Variants in OXCT1 observed in about 807,000 individuals in gnomAD.
The protein encoded by OXCT1 is succinyl-CoA:3-ketoacid coenzyme A transferase 1, mitochondrial.
OXCT1 carries 27 observed loss-of-function variants against 69.6 expected under a neutral mutation model. The observed-to-expected ratio is 0.39, with a 90% CI of 0.29 to 0.54. OXCT1 has a LOEUF of 0.54. Ranked by LOEUF, OXCT1 falls within the 20% of genes least tolerant of loss-of-function variation. OXCT1 has a pLI of 0.72. For missense variants in OXCT1, 437 were observed against 650.2 expected (o/e 0.67, Z 3.57); for synonymous variants, 202 against 217.8 (o/e 0.93, Z 0.64).
At chr5:41,791,913 C>A (rs1182589016) in intron 13 of OXCT1, among the ~76,000 whole-genome samples, 1 of 152,304 alleles carries the variant, frequency 6.6e-6, no homozygotes, top group East Asian at 1.9e-4. Flanking sequence ...ACGCCATTCT[C>A]CTGCCTCAGC....
intron 13 of OXCT1, 95 bp downstream of exon 13, chr5:41,793,908 T>C (rs1328503599): frequency 1.3e-6 from 1 of 791,028 alleles, no homozygotes; most frequent in Non-Finnish European, 2.2e-6. Flanking sequence ...ATATTTCATT[T>C]TTAAAGAATC....
At chr5:41,811,746 T>G (rs1746995507) in intron 7 of OXCT1, among the ~76,000 whole-genome samples, 1 of 152,026 alleles carries the variant, frequency 6.6e-6, no homozygotes, top group Non-Finnish European at 1.5e-5. Flanking sequence ...TACATATGGT[T>G]GCATAGTCAT....
intron 7 of OXCT1, among the ~76,000 whole-genome samples, chr5:41,837,412 AT>A (rs1748420255): frequency 6.6e-6 from 1 of 152,108 alleles, no homozygotes; most frequent in South Asian, 2.1e-4. Flanking sequence ...CAGTCACCAC[AT>A]TTAGAGAAAT....
At chr5:41,787,297 T>G (rs989569342) in intron 13 of OXCT1, among the ~76,000 whole-genome samples, 17 of 152,118 alleles carry the variant, frequency 1.1e-4, no homozygotes, top group Non-Finnish European at 2.4e-4. Flanking sequence ...CATGAAAAAG[T>G]GGCTTTCGGA....
rs554381509 is a variant in OXCT1 at position 41,830,764 on chromosome 5, T to C, written c.732+9687A>G. 2.6e-5 allele frequency among the ~76,000 whole-genome samples: 4 copies of C among 152,328 alleles called. No homozygotes were observed. The South Asian group carries it at 8.3e-4, about 32-fold the overall frequency. ...CTTTTTATTGCCTCTTGAAAAATTA[T>C]GAGTTCCACTGCTTTTAAAACTGTA... On this transcript the variant is annotated intron_variant, in intron 7 of 16. Transcript: ENST00000196371.
At chr5:41,835,639 A>G (rs1748322284) in intron 7 of OXCT1, among the ~76,000 whole-genome samples, 1 of 152,226 alleles carries the variant, frequency 6.6e-6, no homozygotes, top group Non-Finnish European at 1.5e-5. Context: ...AAGTAATTAT[A>G]TTTATGTCAT....
chr5:41,737,462 C>A (rs1742942266), intron 16 of OXCT1, among the ~76,000 whole-genome samples: 1 of 152,180 alleles, frequency 6.6e-6, no homozygotes, highest in South Asian at 2.1e-4. Flanking sequence ...ACTGAACATT[C>A]TGTGGATCTT....
intron 9 of OXCT1, 108 bp downstream of exon 9, chr5:41,805,459 G>T: frequency 2.7e-6 from 2 of 746,362 alleles, no homozygotes; most frequent in Non-Finnish European, 4.7e-6. Context: ...TACCTTAAAA[G>T]TTACCATAGA....
intron 13 of OXCT1, 126 bp downstream of exon 13, chr5:41,793,877 T>G (rs1746048369): frequency 1.5e-6 from 1 of 679,696 alleles, no homozygotes; most frequent in Non-Finnish European, 2.6e-6. Context: ...AATTTGATTC[T>G]AGTAAGAAAT....
chr5:41,746,428 A>T (rs1440353710), intron 15 of OXCT1, among the ~76,000 whole-genome samples: 1 of 152,006 alleles, frequency 6.6e-6, no homozygotes, highest in East Asian at 1.9e-4. Context: ...GTCCACTGTT[A>T]GTGAGGGCTG....
rs7707408 is a variant in OXCT1 at position 41,836,263 on chromosome 5, C to T, written c.732+4188G>A. On this transcript the variant is annotated intron_variant, in intron 7 of 16. Coordinates refer to ENST00000196371, the MANE Select transcript of OXCT1 (RefSeq NM_000436.4). ...ACACTGTCTGGACTGAAAAGAGAAACATCTCTCTAGCATGTGTGGCAATAT... is the reference window on the plus strand; with the variant it reads ...ACACTGTCTGGACTGAAAAGAGAAATATCTCTCTAGCATGTGTGGCAATAT... Among the ~76,000 whole-genome samples, 748 of 152,274 alleles carry T rather than the reference C, an allele frequency of 4.9e-3. 8 individuals are homozygous for T. The highest frequency in any genetic ancestry group is 0.017 in the African/African-American group (700 of 41,556).
chr5:41,859,905 T>TGTA (rs1749657159), intron 3 of OXCT1, among the ~76,000 whole-genome samples: 27 of 139,794 alleles, frequency 1.9e-4, no homozygotes, highest in African/African-American at 5.4e-4. Flanking sequence ...TATATATATA[T>TGTA]ATACACACAC....
In OXCT1 at chr5:41,862,716, C is replaced by T. The variant is rs756300300; in HGVS notation, c.113G>A (p.Arg38His). The change falls in exon 2 of 17, where the codon CGC becomes CAC. Residue 38 changes from arginine (R) to histidine (H), a missense_variant. This residue lies in a region of OXCT1 where 79 missense variants were observed against 61.5 expected (regional missense o/e 1.28). Coordinates refer to ENST00000196371, the MANE Select transcript of OXCT1 (RefSeq NM_000436.4). ...CVCSFSTSAH[R>H]HTKFYTDPVE... is the part of the protein sequence containing the mutation. ...TGGATCTGTATAAAACTTGGTATGG[C>T]GATGAGCACTGGTGGAAAAGGAACA... 5.2e-5 allele frequency: 84 copies of T among 1,611,206 alleles called. 1 individual carries two copies. The South Asian group carries it at 6.5e-4, about 12-fold the overall frequency.
intron 5 of OXCT1, among the ~76,000 whole-genome samples, chr5:41,843,134 T>C (rs2112410229): frequency 6.6e-6 from 1 of 152,298 alleles, no homozygotes; most frequent in South Asian, 2.1e-4. Flanking sequence ...CCCTCTCCCC[T>C]GAAAAAACAG....
chr5:41,750,890 A>C (rs561295733), intron 14 of OXCT1, among the ~76,000 whole-genome samples: 1 of 152,272 alleles, frequency 6.6e-6, no homozygotes, highest in East Asian at 1.9e-4. Flanking sequence ...AGAGAAACAG[A>C]GGTAAATTGG....
chr5:41,741,155 T>C (rs1331695145), intron 15 of OXCT1, among the ~76,000 whole-genome samples: 1 of 152,146 alleles, frequency 6.6e-6, no homozygotes. Flanking sequence ...TTTTACCATG[T>C]TGGTCAGGCT....
intron 15 of OXCT1, among the ~76,000 whole-genome samples, chr5:41,748,747 C>CA (rs1184104196): frequency 1.3e-5 from 2 of 152,008 alleles, no homozygotes; most frequent in African/African-American, 4.8e-5. Context: ...AGATTAATGC[C>CA]AAGACACTAA....
chr5:41,846,444 C>G (rs1206670039), intron 5 of OXCT1, among the ~76,000 whole-genome samples: 1 of 149,194 alleles, frequency 6.7e-6, no homozygotes, highest in Middle Eastern at 3.4e-3. Context: ...ATCCATGTCC[C>G]TACAAAGGAC....
chr5:41,781,559 G>A (rs1158146059), intron 13 of OXCT1, among the ~76,000 whole-genome samples: 2 of 151,804 alleles, frequency 1.3e-5, no homozygotes, highest in Non-Finnish European at 2.9e-5. Context: ...CCATCACCTA[G>A]GTATTAAGCC....
Sources: gnomAD v4.1 joint callset for allele counts (sites outside exome capture counted in the v4.1 genomes callset) on GRCh38, gnomAD v4.1.1 for gene constraint, gnomAD v4.1.1 regional missense constraint, MANE v1.5 for transcripts, NCBI Gene and HGNC (gene_info 2026-07-23, HGNC 2026-07-21) for gene names.